The following MYT1L variants were observed in gnomAD, a reference collection of about 807,000 sequenced individuals.
MYT1L encodes myelin transcription factor 1-like protein.
In MYT1L, 12 loss-of-function variants were observed where a neutral mutation model predicts 126.7. That is an observed-to-expected ratio of 0.09 (90% CI 0.06 to 0.15). The LOEUF (loss-of-function observed/expected upper bound fraction) is 0.15. MYT1L is among the 10% of genes least tolerant of loss of function. The pLI is 1.00. For missense variants in MYT1L, 979 were observed against 1,585.2 expected, an observed-to-expected ratio of 0.62 and a Z score of 6.49; for synonymous variants, 541 against 604.2, an observed-to-expected ratio of 0.90 and a Z score of 1.53.
intron 21 of MYT1L, among the ~76,000 whole-genome samples, chr2:1,812,151 A>G (rs1287489277): frequency 6.6e-6 from 1 of 152,052 alleles, no homozygotes; most frequent in African/African-American, 2.4e-5. Context: ...TCAGGTGACT[A>G]CATCTGGCAA....
intron 3 of MYT1L, among the ~76,000 whole-genome samples, chr2:2,135,204 T>C (rs2082888777): frequency 6.6e-6 from 1 of 152,134 alleles, no homozygotes; most frequent in Admixed American, 6.6e-5. Context: ...GGGAGGGGCC[T>C]GGTGGAGGGT....
At chr2:2,061,404 T>A (rs989158989) in intron 3 of MYT1L, among the ~76,000 whole-genome samples, 3 of 152,174 alleles carry the variant, frequency 2.0e-5, no homozygotes, top group African/African-American at 4.8e-5. Flanking sequence ...CTATTTGTAA[T>A]GAAAACTATA....
At chr2:2,089,923 G>A (rs560852721) in intron 3 of MYT1L, among the ~76,000 whole-genome samples, 1 of 152,306 alleles carries the variant, frequency 6.6e-6, no homozygotes, top group African/African-American at 2.4e-5. Context: ...GTGAACATAA[G>A]TGAGATAATA....
At chr2:1,965,298 A>G (rs1391626079) in intron 8 of MYT1L, among the ~76,000 whole-genome samples, 1 of 149,560 alleles carries the variant, frequency 6.7e-6, no homozygotes, top group Non-Finnish European at 1.5e-5. Context: ...TGCAAGGATC[A>G]GGCAGGGAAG....
chr2:2,013,584 C>A (rs1367606330), intron 4 of MYT1L, among the ~76,000 whole-genome samples: 1 of 152,260 alleles, frequency 6.6e-6, no homozygotes, highest in Non-Finnish European at 1.5e-5. Flanking sequence ...CCGCTTCTGG[C>A]TATAACCTCG....
At chr2:1,845,909 T>C (rs576876662) in intron 19 of MYT1L, among the ~76,000 whole-genome samples, 27 of 152,308 alleles carry the variant, frequency 1.8e-4, no homozygotes, top group South Asian at 6.2e-4. Context: ...GGAATATCCT[T>C]CTCTGCATGA....
rs1299504500 is a variant in MYT1L at position 1,790,893 on chromosome 2, T to G, written c.*974A>C. ...AAATGTTCTTAAATTATCTTTTAGC[T>G]TAAATCGAAAACACACAAATTCTGT... On this transcript the variant is annotated 3_prime_UTR_variant, in exon 25 of 25. Coordinates refer to ENST00000647738, the MANE Select transcript of MYT1L (RefSeq NM_001303052.2). 1 of 165,430 alleles carries G rather than the reference T, an allele frequency of 6.0e-6. No individual in the cohort carries two copies. The highest frequency in any genetic ancestry group is 1.3e-5 in the Non-Finnish European group (1 of 75,274). 10.2% of individuals were successfully genotyped at this position (165,430 alleles called of 1,614,324 possible).
chr2:2,159,952 T>C (rs1374220348), intron 3 of MYT1L, among the ~76,000 whole-genome samples: 1 of 152,170 alleles, frequency 6.6e-6, no homozygotes, highest in Non-Finnish European at 1.5e-5. Flanking sequence ...AGCTCCAGGC[T>C]GGACACCCTG....
At chr2:2,102,896 G>A (rs547261286) in intron 3 of MYT1L, among the ~76,000 whole-genome samples, 19 of 151,576 alleles carry the variant, frequency 1.3e-4, no homozygotes, top group Middle Eastern at 3.4e-3. Flanking sequence ...ATAAATATAA[G>A]CAGCTTAAAA....
intron 9 of MYT1L, among the ~76,000 whole-genome samples, chr2:1,927,341 T>C (rs1385560570): frequency 1.3e-5 from 2 of 152,224 alleles, no homozygotes; most frequent in Admixed American, 1.3e-4. Context: ...CGTTTTAGGG[T>C]TGAATTTTAT....
intron 13 of MYT1L, among the ~76,000 whole-genome samples, chr2:1,904,843 G>A (rs534891025): frequency 6.6e-6 from 1 of 151,416 alleles, no homozygotes; most frequent in South Asian, 2.1e-4. Flanking sequence ...CCCCAGGCTG[G>A]AGTGCAGTGG....
intron 4 of MYT1L, among the ~76,000 whole-genome samples, chr2:2,002,649 T>G (rs1473741276): frequency 6.6e-6 from 1 of 152,186 alleles, no homozygotes; most frequent in Non-Finnish European, 1.5e-5. Context: ...AGGGTAAATA[T>G]TCAACATGAT....
At chr2:1,953,707 T>C (rs1427402537) in intron 8 of MYT1L, among the ~76,000 whole-genome samples, 1 of 152,256 alleles carries the variant, frequency 6.6e-6, no homozygotes, top group Non-Finnish European at 1.5e-5. Flanking sequence ...AGTACCTCTG[T>C]TTCCACGGAC....
intron 2 of MYT1L, among the ~76,000 whole-genome samples, chr2:2,191,587 G>A (rs540582242): frequency 6.6e-6 from 1 of 152,298 alleles, no homozygotes; most frequent in African/African-American, 2.4e-5. Flanking sequence ...CTAATGCCAT[G>A]AGCCTGGGAC....
At chr2:2,014,490 G>A (rs2064167280) in intron 4 of MYT1L, among the ~76,000 whole-genome samples, 1 of 152,208 alleles carries the variant, frequency 6.6e-6, no homozygotes, top group Non-Finnish European at 1.5e-5. Context: ...GGAGTGGGTG[G>A]AAGGTCGTGT....
intron 1 of MYT1L, among the ~76,000 whole-genome samples, chr2:2,314,679 C>G (rs1573494100): frequency 1.3e-5 from 2 of 152,278 alleles, no homozygotes; most frequent in East Asian, 1.9e-4. Flanking sequence ...TTAAGCTCCA[C>G]ATGTATTAGC....
At chr2:1,825,979 G>C (rs2039269269) in intron 21 of MYT1L, 1 of 152,336 alleles carries the variant, frequency 6.6e-6, no homozygotes, top group Non-Finnish European at 1.5e-5. Context: ...CACCGGCTGT[G>C]TGGCCAGGAC....
chr2:1,881,960 C>T (rs1028022492), intron 18 of MYT1L, among the ~76,000 whole-genome samples: 4 of 152,074 alleles, frequency 2.6e-5, no homozygotes, highest in African/African-American at 4.8e-5. Context: ...AGGCATGAAG[C>T]GTGGGAAAGC....
intron 2 of MYT1L, among the ~76,000 whole-genome samples, chr2:2,173,783 G>A (rs1214812739): frequency 2.0e-5 from 3 of 152,182 alleles, no homozygotes; most frequent in Non-Finnish European, 4.4e-5. Flanking sequence ...ACAGACAAGT[G>A]TTAATGGGCC....
Sources: gnomAD v4.1 joint callset for allele counts (sites outside exome capture counted in the v4.1 genomes callset) on GRCh38, gnomAD v4.1.1 for gene constraint, MANE v1.5 for transcripts, NCBI Gene and HGNC (gene_info 2026-07-23, HGNC 2026-07-21) for gene names.